Variants in GLI1 observed in about 807,000 individuals in gnomAD.
GLI1 encodes the protein GLI family zinc finger 1, also known as transcription activator GLI1.
A neutral mutation model predicts 87.8 loss-of-function variants in GLI1; 51 were observed. That is an observed-to-expected ratio of 0.58 (90% CI 0.46 to 0.73). The LOEUF (loss-of-function observed/expected upper bound fraction) is 0.73. Ranked by LOEUF, GLI1 falls within the 30% of genes least tolerant of loss-of-function variation. GLI1 has a pLI of 0.00. For missense variants in GLI1, 1,292 were observed against 1,437.2 expected, an observed-to-expected ratio of 0.90 and a Z score of 1.63; for synonymous variants, 528 against 558.2, an observed-to-expected ratio of 0.95 and a Z score of 0.76.
Position 57,471,232 on chromosome 12 carries a change from C to G in GLI1, c.2492C>G (p.Pro831Arg). Residue 831 changes from proline to arginine, a missense_variant, in exon 12 of 12, where the codon CCC becomes CGC. Transcript: ENST00000228682. The surrounding 1 kb of genome is among the most constrained non-coding windows in gnomAD (Gnocchi z 4.9). Reference protein sequence around the residue: ...PVGSDSTGLAPCLNAHPSEGP... With the variant: ...PVGSDSTGLARCLNAHPSEGP... ...GGGTCTGACTCCACAGGACTGGCAC[C>G]CTGCCTCAATGCCCACCCCAGTGAG... The G allele has an allele frequency of 6.2e-7, 1 of 1,604,252 alleles. No individual in the cohort carries two copies. Among genetic ancestry groups the G allele is most frequent in the South Asian group, 1.1e-5 (1 of 89,756 alleles).
rs1460787785 is a variant in GLI1 at position 57,467,462 on chromosome 12, C to T, written c.1042C>T (p.Arg348Ter). 6 of 1,609,346 alleles carry T rather than the reference C, an allele frequency of 3.7e-6. No homozygotes were observed. The highest frequency in any genetic ancestry group is 2.2e-5 in the East Asian group (1 of 44,736). Residue 348 changes from arginine to a stop codon, truncating the protein, a stop_gained, in exon 9 of 12, where the codon CGA (arginine) becomes TGA (stop). Coordinates refer to ENST00000228682, the MANE Select transcript of GLI1 (RefSeq NM_005269.3). LOFTEE classifies it high-confidence loss of function. Reference protein sequence around the residue: ...CSKAFSNASDRAKHQNRTHSN... With the variant: ...CSKAFSNASD ...TAAAGCCTTCAGCAATGCCAGTGACCGAGCCAAGCACCAGAATCGGACCCA... is the reference window on the plus strand; with the variant it reads ...TAAAGCCTTCAGCAATGCCAGTGACTGAGCCAAGCACCAGAATCGGACCCA...
chr12:57,467,951 G>A (rs572830977), intron 9 of GLI1, 43 bp from the exon 10 acceptor site: 54 of 1,398,196 alleles, frequency 3.9e-5, no homozygotes, highest in African/African-American at 2.3e-4. Context: ...GCATTCTTCC[G>A]CTTTGATCCG....
At position 57,466,152 on chromosome 12, in the gene GLI1, G is replaced by A; in HGVS notation, c.763-88G>A. On this transcript the variant is annotated intron_variant, in intron 7 of 11. Transcript: ENST00000228682. ...TCTTCCTCCTTGAGGTGGAGTCGTG[G>A]AAGAGGAACAGGGGGTGGAGGGAAG... The A allele has an allele frequency of 2.1e-6, 3 of 1,396,712 alleles. No individual in the cohort carries two copies. The South Asian group carries it at 4.0e-5, about 18-fold the overall frequency. 86.5% of individuals were successfully genotyped at this position (1,396,712 alleles called of 1,614,324 possible). A position where few individuals can be genotyped will look rare whatever the true frequency, so the allele number is the denominator to read the frequency against.
intron 11 of GLI1, among the ~76,000 whole-genome samples, chr12:57,470,025 T>C (rs1871761847): frequency 6.6e-6 from 1 of 152,052 alleles, no homozygotes; most frequent in South Asian, 2.1e-4. Flanking sequence ...CGAAACTCTG[T>C]TTCAAACAAA....
In GLI1 at chr12:57,470,510, G is replaced by A; in HGVS notation, c.1770G>A (p.Arg590=). The A allele has an allele frequency of 6.2e-7, 1 of 1,614,016 alleles. No homozygotes were observed. Among genetic ancestry groups the A allele is most frequent in the Non-Finnish European group, 8.5e-7 (1 of 1,179,926 alleles). Residue 590 remains arginine, a synonymous_variant, in exon 12 of 12, where the codon CGG becomes CGA. Transcript: ENST00000228682. The stretch of plus-strand genomic sequence containing the variant: ...TGCCTGCCCAGCACTACCTGCTTCG[G>A]GCAAGATATGCTTCAGCCAGAGGGG... The part of the protein sequence containing the change: ...GLMPAQHYLL[R]ARYASARGGG...
At position 57,464,842 on chromosome 12, in the gene GLI1, C is replaced by A. The variant is rs150011919; in HGVS notation, c.363C>A (p.Tyr121Ter). The change falls in exon 4 of 12, where the codon TAC (tyrosine) becomes TAA (stop). Residue 121 changes from tyrosine to a stop codon, truncating the protein, a stop_gained. Coordinates refer to ENST00000228682, the MANE Select transcript of GLI1 (RefSeq NM_005269.3). LOFTEE classifies it high-confidence loss of function. ...NSRCTSPGGS[Y>*]GHLSIGTMSP... ...GATGCACATCTCCAGGAGGCTCCTA[C>A]GGTCATCTCTCCATTGGCACCATGA... The A allele has an allele frequency of 4.3e-6, 7 of 1,613,734 alleles. No individual in the cohort carries two copies. The highest frequency in any genetic ancestry group is 5.9e-6 in the Non-Finnish European group (7 of 1,179,600).
intron 1 of GLI1, among the ~76,000 whole-genome samples, chr12:57,462,854 CA>C (rs1871231966): frequency 6.6e-6 from 1 of 152,158 alleles, no homozygotes; most frequent in Non-Finnish European, 1.5e-5. Flanking sequence ...CTGGACACTG[CA>C]GAGATTGTAC....
In GLI1 at chr12:57,470,386, T is replaced by C. The variant is rs200128720; in HGVS notation, c.1646T>C (p.Ile549Thr). The C allele has an allele frequency of 6.2e-7, 1 of 1,613,032 alleles. No individual in the cohort carries two copies. Among genetic ancestry groups the C allele is most frequent in the South Asian group, 1.1e-5 (1 of 90,946 alleles). The change falls in exon 12 of 12, where the codon ATC becomes ACC. Residue 549 changes from isoleucine (I) to threonine (T), a missense_variant. This residue lies in a region of GLI1 where 897 missense variants were observed against 1,040.7 expected (regional missense o/e 0.86). Coordinates refer to ENST00000228682, the MANE Select transcript of GLI1 (RefSeq NM_005269.3). Reference protein sequence around the residue: ...LERRSSSSSSISSAYTVSRRS... With the variant: ...LERRSSSSSSTSSAYTVSRRS... ...CGCCGCAGCAGCAGCTCCAGCAGCA[T>C]CAGCTCTGCCTATACTGTCAGCCGC... is the stretch of plus-strand genomic sequence containing the variant.
intron 2 of GLI1, 69 bp downstream of exon 2, chr12:57,463,860 C>G: frequency 1.8e-6 from 2 of 1,090,196 alleles, no homozygotes; most frequent in Non-Finnish European, 2.8e-6. Flanking sequence ...CACCCCCACC[C>G]CATGCCAGTT....
chr12:57,467,494 T>C lies in GLI1; in HGVS notation c.1074T>C (p.Asn358=), dbSNP rs1419002793. ...AGCACCAGAATCGGACCCATTCCAA[T>C]GAGGTGAATGCCCTAACTAAGCGAC... ...RAKHQNRTHS[N]EKPYVCKLPG... The change falls in exon 9 of 12, where the codon AAT becomes AAC. Residue 358 remains asparagine (N), a synonymous_variant. Transcript: ENST00000228682. 6.3e-7 allele frequency: 1 copy of C among 1,599,056 alleles called. No individual in the cohort carries two copies. The highest frequency in any genetic ancestry group is 1.7e-5 in the Admixed American group (1 of 59,410).
At chr12:57,464,648 C>G (rs756942012) in intron 3 of GLI1, 25 bp from the exon 4 acceptor site, 2 of 1,584,274 alleles carry the variant, frequency 1.3e-6, no homozygotes, top group African/African-American at 1.3e-5. Context: ...TTTACCATAT[C>G]CGTCTCCGCT....
At position 57,465,796 on chromosome 12, in the gene GLI1, GT is replaced by G. The variant is rs1228287808; in HGVS notation, c.635del (p.Leu212TrpfsTer68). 1 of 1,614,018 alleles carries G rather than the reference GT, an allele frequency of 6.2e-7. No homozygotes were observed. Among genetic ancestry groups the G allele is most frequent in the Non-Finnish European group, 8.5e-7 (1 of 1,179,956 alleles). ...TGCCTCTCTTGCCCTAGGATCCCCT[GT>G]TGGGGATGCTGGATGGGCGGGAGGA... ...PNSTGIQDPL[L>X]GMLDGREDLE... On this transcript the variant is annotated frameshift_variant, in exon 7 of 12. Coordinates refer to ENST00000228682, the MANE Select transcript of GLI1 (RefSeq NM_005269.3). LOFTEE classifies it high-confidence loss of function.
chr12:57,465,297 G>A, intron 5 of GLI1, 42 bp downstream of exon 5: 2 of 1,526,068 alleles, frequency 1.3e-6, no homozygotes, highest in South Asian at 1.2e-5. Context: ...CTCAGCTCAG[G>A]GTGGGTGGGT....
At chr12:57,468,247 C>T (rs528507599) in intron 10 of GLI1, 23 bp downstream of exon 10, 1 of 1,502,636 alleles carries the variant, frequency 6.7e-7, no homozygotes, top group African/African-American at 1.4e-5. Flanking sequence ...AGGCAACCCT[C>T]ACCTCCATAC....
At chr12:57,467,089 C>G (rs925999671) in intron 8 of GLI1, among the ~76,000 whole-genome samples, 1 of 152,120 alleles carries the variant, frequency 6.6e-6, no homozygotes, top group Non-Finnish European at 1.5e-5. Flanking sequence ...GAGAAATCTG[C>G]CCTGGCTTGG....
In GLI1 at chr12:57,465,868, T is replaced by C. The variant is rs778953216; in HGVS notation, c.705T>C (p.Thr235=). The C allele has an allele frequency of 4.3e-6, 7 of 1,613,920 alleles. No homozygotes were observed. Among genetic ancestry groups the C allele is most frequent in the Non-Finnish European group, 5.9e-6 (7 of 1,179,904 alleles). ...GTGAGCCTGAATCTGTGTATGAAAC[T>C]GACTGCCGTTGGGATGGCTGCAGCC... ...EKREPESVYE[T]DCRWDGCSQE... is the part of the protein sequence containing the mutation. Residue 235 remains threonine, a synonymous_variant, in exon 7 of 12, where the codon ACT becomes ACC. Transcript: ENST00000228682.
rs1389442591 is a variant in GLI1 at position 57,464,091 on chromosome 12, G to A, written c.193G>A (p.Gly65Ser). 1.3e-6 allele frequency: 2 copies of A among 1,592,690 alleles called. No homozygotes were observed. Among genetic ancestry groups the A allele is most frequent in the Non-Finnish European group, 1.7e-6 (2 of 1,160,468 alleles). Residue 65 changes from glycine (G) to serine (S), a missense_variant and splice_region_variant, in exon 3 of 12, where the codon GGC becomes AGC. Gly to Ser is a moderately conservative substitution (Grantham distance 56, BLOSUM62 0). Transcript: ENST00000228682. The part of the protein sequence containing the change: ...PARETNSCTE[G>S]PLFSSPRSAV... ...CAGAGAGACCAACAGCTGCACCGAG[G>A]GTGAGGGCTCAGGCAACACCTCTTC...
chr12:57,468,047 C>G lies in GLI1; in HGVS notation c.1131C>G (p.Ser377Arg). The change falls in exon 10 of 12, where the codon AGC (serine) becomes AGG (arginine). Residue 377 changes from serine (S) to arginine (R), a missense_variant. Ser to Arg is a moderately radical substitution (Grantham distance 110, BLOSUM62 -1). Coordinates refer to ENST00000228682, the MANE Select transcript of GLI1 (RefSeq NM_005269.3). ...PGCTKRYTDPSSLRKHVKTVH... is the reference protein window; with the variant it reads ...PGCTKRYTDPRSLRKHVKTVH... ...GCACCAAACGCTATACAGATCCTAG[C>G]TCGCTGCGAAAACATGTCAAGACAG... The G allele has an allele frequency of 6.2e-7, 1 of 1,614,234 alleles. No individual in the cohort carries two copies. Among genetic ancestry groups the G allele is most frequent in the South Asian group, 1.1e-5 (1 of 91,090 alleles).
Position 57,459,808 on chromosome 12 carries a change from G to T in GLI1, c.-421G>T, listed in dbSNP as rs1022617516. Among the ~76,000 whole-genome samples, 1 of 150,552 alleles carries T rather than the reference G, an allele frequency of 6.6e-6. No homozygotes were observed. The highest frequency in any genetic ancestry group is 2.5e-5 in the African/African-American group (1 of 40,670). On this transcript the variant is annotated 5_prime_UTR_variant, in exon 1 of 12. The change creates a new upstream start codon in the 5' untranslated region. Transcript: ENST00000228682. The stretch of plus-strand genomic sequence containing the variant: ...GCGTAAGCAGTATAGGGTCCCTCAA[G>T]GGAGGGGGAGGATCCTGGGGGTCCT...
Sources: gnomAD v4.1 joint callset for allele counts (sites outside exome capture counted in the v4.1 genomes callset) on GRCh38, gnomAD v4.1.1 for gene constraint, gnomAD v4.1.1 regional missense constraint, Gnocchi (gnomAD v3.1) non-coding constraint, MANE v1.5 for transcripts, NCBI Gene and HGNC (gene_info 2026-07-23, HGNC 2026-07-21) for gene names.